The following L2HGDH variants were observed in gnomAD, a reference collection of about 807,000 sequenced individuals.
L2HGDH encodes the protein L-2-hydroxyglutarate dehydrogenase, mitochondrial.
A neutral mutation model predicts 51.5 loss-of-function variants in L2HGDH; 34 were observed. That is an observed-to-expected ratio of 0.66 (90% CI 0.50 to 0.88). The LOEUF (loss-of-function observed/expected upper bound fraction) is 0.88, where lower values mean the gene tolerates loss of function less well. L2HGDH is among the 40% of genes least tolerant of loss of function. The probability of loss-of-function intolerance (pLI) is 0.00; values close to 1 mark genes in which losing one functional copy is unlikely to be tolerated. For synonymous variants in L2HGDH, 198 were observed against 197.9 expected, an observed-to-expected ratio of 1.00 and a Z score of -0.01; for missense variants, 558 against 571.9, an observed-to-expected ratio of 0.98 and a Z score of 0.25.
chr14:50,310,537 A>G (rs2031048288), intron 1 of L2HGDH, among the ~76,000 whole-genome samples: 5 of 152,036 alleles, frequency 3.3e-5, no homozygotes, highest in Admixed American at 3.3e-4. Flanking sequence ...CTACAAAAAA[A>G]TAGGAAAATA....
intron 6 of L2HGDH, among the ~76,000 whole-genome samples, chr14:50,278,219 G>A (rs145168899): frequency 1.3e-5 from 2 of 152,278 alleles, no homozygotes; most frequent in South Asian, 2.1e-4. Context: ...GATTTATAGA[G>A]AGTTAATAAG....
intron 7 of L2HGDH, among the ~76,000 whole-genome samples, chr14:50,268,150 G>C (rs747354748): frequency 6.6e-6 from 1 of 152,058 alleles, no homozygotes; most frequent in Non-Finnish European, 1.5e-5. Context: ...AGGCTGAGGC[G>C]TGAGGATCAT....
At chr14:50,280,159 T>A (rs1890188368) in intron 5 of L2HGDH, among the ~76,000 whole-genome samples, 1 of 150,168 alleles carries the variant, frequency 6.7e-6, no homozygotes, top group Non-Finnish European at 1.5e-5. Flanking sequence ...GCCACATGGG[T>A]CACTGCTTTT....
chr14:50,260,946 T>C (rs1276867921), intron 9 of L2HGDH, among the ~76,000 whole-genome samples: 1 of 152,020 alleles, frequency 6.6e-6, no homozygotes, highest in Non-Finnish European at 1.5e-5. Context: ...TGAAACCCCA[T>C]CTCTACTAAA....
intron 7 of L2HGDH, among the ~76,000 whole-genome samples, chr14:50,268,423 C>T (rs915186214): frequency 4.7e-5 from 7 of 148,772 alleles, no homozygotes; most frequent in African/African-American, 1.7e-4. Flanking sequence ...GCTACTGACA[C>T]TAATAGATTG....
intron 6 of L2HGDH, among the ~76,000 whole-genome samples, chr14:50,277,542 G>A (rs576976188): frequency 2.6e-5 from 4 of 151,856 alleles, no homozygotes; most frequent in South Asian, 2.1e-4. Flanking sequence ...TTGGGAGGCC[G>A]AGGCGGGTGG....
rs1210265916 is a variant in L2HGDH, at chr14:50,268,552, G to GA, written c.906+610dup. Among the ~76,000 whole-genome samples, 4 of 151,982 alleles carry GA rather than the reference G, an allele frequency of 2.6e-5. No individual in the cohort carries two copies. In the East Asian group the frequency reaches 5.8e-4, roughly 22 times the overall value. ...CTGGCAAGTAAAATCAGAGCTGCCA[G>GA]AAAAAAATACACATTCATAGCACAG... On this transcript the variant is annotated intron_variant, in intron 7 of 9. Coordinates refer to ENST00000267436, the MANE Select transcript of L2HGDH (RefSeq NM_024884.3).
intron 6 of L2HGDH, among the ~76,000 whole-genome samples, chr14:50,277,568 G>A (rs556406190): frequency 1.1e-4 from 16 of 151,988 alleles, no homozygotes; most frequent in African/African-American, 3.9e-4. Context: ...GAGGTCAGGA[G>A]ATCGAGACCA....
intron 4 of L2HGDH, among the ~76,000 whole-genome samples, chr14:50,286,474 T>A (rs1171156547): frequency 1.3e-5 from 2 of 152,140 alleles, no homozygotes; most frequent in Admixed American, 6.5e-5. Flanking sequence ...TCTAAGAAGC[T>A]CTTTAGAGCT....
Position 50,312,181 on chromosome 14 carries a change from C to A in L2HGDH, c.-31G>T. The A allele has an allele frequency of 6.2e-7, 1 of 1,606,430 alleles. No individual in the cohort carries two copies. ...ACGCACGCTCCCCTCCCTCAGCGCTCAGAAGAAGCCACTTGACCCTCCACG... is the reference window on the plus strand; with the variant it reads ...ACGCACGCTCCCCTCCCTCAGCGCTAAGAAGAAGCCACTTGACCCTCCACG... On this transcript the variant is annotated 5_prime_UTR_variant, in exon 1 of 10. Transcript: ENST00000267436.
chr14:50,262,018 A>C (rs4901005), intron 9 of L2HGDH, among the ~76,000 whole-genome samples: 89,293 of 151,950 alleles, frequency 0.59, 26,374 homozygotes, highest in East Asian at 0.66. Context: ...CTTCAACTAT[A>C]TTTTACTATT....
intron 1 of L2HGDH, among the ~76,000 whole-genome samples, chr14:50,307,027 G>T (rs2030771489): frequency 6.6e-6 from 1 of 152,000 alleles, no homozygotes; most frequent in Admixed American, 6.6e-5. Context: ...CGTTGGTCAG[G>T]CTGGTCTCAA....
At position 50,284,536 on chromosome 14, in the gene L2HGDH, T is replaced by C. The variant is rs145879358; in HGVS notation, c.541-503A>G. Among the ~76,000 whole-genome samples, 218 of 152,388 alleles carry C rather than the reference T, an allele frequency of 1.4e-3. 2 individuals carry two copies. Among genetic ancestry groups the C allele is most frequent in the Admixed American group, 0.013 (198 of 15,304 alleles). ...AAAGACATGTCCAAATCAATGTTCA[T>C]CAATCTGTAGATGAATGACCTATAT... On this transcript the variant is annotated intron_variant, in intron 4 of 9. Coordinates refer to ENST00000267436, the MANE Select transcript of L2HGDH (RefSeq NM_024884.3).
At chr14:50,302,695 CAAAT>C (rs1300618236) in intron 2 of L2HGDH, among the ~76,000 whole-genome samples, 2 of 152,112 alleles carry the variant, frequency 1.3e-5, no homozygotes, top group African/African-American at 2.4e-5. Flanking sequence ...GATAACCTCT[CAAAT>C]AAATAACCTA....
chr14:50,247,982 T>C (rs1402672576), intron 9 of L2HGDH, among the ~76,000 whole-genome samples: 4 of 152,082 alleles, frequency 2.6e-5, no homozygotes, highest in Non-Finnish European at 4.4e-5. Flanking sequence ...TTTTTTTTTG[T>C]AGAGACAAGG....
chr14:50,275,041 G>A (rs1010812443), intron 6 of L2HGDH, among the ~76,000 whole-genome samples: 5 of 152,150 alleles, frequency 3.3e-5, no homozygotes, highest in Non-Finnish European at 5.9e-5. Flanking sequence ...ATAAGTTCTA[G>A]AAATCTAATA....
intron 9 of L2HGDH, among the ~76,000 whole-genome samples, chr14:50,255,972 C>T (rs1314338635): frequency 6.6e-6 from 1 of 151,680 alleles, no homozygotes. Context: ...CACTGCACTC[C>T]AGGCTGGGTG....
At chr14:50,260,952 C>T (rs1888981956) in intron 9 of L2HGDH, among the ~76,000 whole-genome samples, 1 of 152,058 alleles carries the variant, frequency 6.6e-6, no homozygotes. Context: ...CCCATCTCTA[C>T]TAAAAATACA....
intron 5 of L2HGDH, among the ~76,000 whole-genome samples, chr14:50,280,958 G>A (rs1359879687): frequency 6.6e-6 from 1 of 150,418 alleles, no homozygotes. Context: ...GGAAGTACAG[G>A]TGTGTGCTAC....
Sources: allele counts gnomAD v4.1 joint callset (sites outside exome capture counted in the v4.1 genomes callset), GRCh38; gene constraint gnomAD v4.1.1; transcripts MANE v1.5; gene names NCBI Gene and HGNC (gene_info 2026-07-23, HGNC 2026-07-21).